The following LANCL3 variants were observed in gnomAD, a reference collection of about 807,000 sequenced individuals.
LANCL3 encodes the protein lanC-like protein 3.
In LANCL3, 19 loss-of-function variants were observed where a neutral mutation model predicts 26.5. That is an observed-to-expected ratio of 0.72 (90% CI 0.50 to 1.05). LANCL3 has a LOEUF of 1.05. LANCL3 is among the 50% of genes least tolerant of loss of function. LANCL3 has a pLI of 0.00. For synonymous variants in LANCL3, 160 were observed against 166.6 expected, an observed-to-expected ratio of 0.96 and a Z score of 0.30; for missense variants, 318 against 362.7, an observed-to-expected ratio of 0.88 and a Z score of 1.00.
At chrX:37,618,891 G>C (rs1925078902) in intron 1 of LANCL3, among the ~76,000 whole-genome samples, 1 of 111,600 alleles carries the variant, frequency 9.0e-6, no homozygotes, top group Non-Finnish European at 1.9e-5. Context: ...TGGCAATGAA[G>C]ATTTATCCCA....
intron 1 of LANCL3, among the ~76,000 whole-genome samples, chrX:37,646,833 A>C (rs1925996474): frequency 1.8e-5 from 2 of 110,563 alleles, no homozygotes; most frequent in Admixed American, 9.7e-5. Flanking sequence ...CTGTTGTAAG[A>C]CTCCTAAGGC....
rs781902977 is a variant in LANCL3, at chrX:37,625,131, G to T, written c.574-30557G>T. 9.0e-5 allele frequency among the ~76,000 whole-genome samples: 10 copies of T among 111,719 alleles called. No homozygotes were observed. In the South Asian group the frequency reaches 3.4e-3, roughly 38 times the overall value. On this transcript the variant is annotated intron_variant, in intron 1 of 4. Transcript: ENST00000378619. ...GCAGTACCATGTGGTGACACTCCTGGGTGGTTACAAATTGAAGCTCACCTG... is the reference window on the plus strand; with the variant it reads ...GCAGTACCATGTGGTGACACTCCTGTGTGGTTACAAATTGAAGCTCACCTG...
At position 37,644,720 on chromosome X, in the gene LANCL3, A is replaced by G. The variant is rs1460779498; in HGVS notation, c.574-10968A>G. 3.6e-5 allele frequency among the ~76,000 whole-genome samples: 4 copies of G among 112,382 alleles called. No individual in the cohort carries two copies. In the East Asian group the frequency reaches 1.1e-3, roughly 31 times the overall value. ...CCCTGTAGCCCTCCTCTTCTTCATT[A>G]TCATAATCATAGTATTATTACTTTG... is the stretch of plus-strand genomic sequence containing the variant. On this transcript the variant is annotated intron_variant, in intron 1 of 4. Transcript: ENST00000378619.
intron 4 of LANCL3, among the ~76,000 whole-genome samples, chrX:37,672,068 T>C (rs1926696794): frequency 8.9e-6 from 1 of 112,066 alleles, no homozygotes; most frequent in African/African-American, 3.2e-5. Flanking sequence ...TTAAAAGGGA[T>C]CAGAACAACC....
chrX:37,633,608 G>A (rs1466532037), intron 1 of LANCL3, among the ~76,000 whole-genome samples: 4 of 110,913 alleles, frequency 3.6e-5, no homozygotes, highest in Non-Finnish European at 7.6e-5. Flanking sequence ...TGGGTTTTTG[G>A]TGTGGATGTC....
chrX:37,594,510 T>G (rs1470338926), intron 1 of LANCL3, among the ~76,000 whole-genome samples: 3 of 112,054 alleles, frequency 2.7e-5, no homozygotes, highest in Non-Finnish European at 5.6e-5. Context: ...TAACAACAGA[T>G]ACAACCCAAG....
chrX:37,622,259 C>T (rs782693988), intron 1 of LANCL3, among the ~76,000 whole-genome samples: 3 of 111,349 alleles, frequency 2.7e-5, no homozygotes, highest in East Asian at 5.7e-4. Context: ...TACAACCCAC[C>T]GCCTATATAT....
chrX:37,620,429 AG>A (rs782542126), intron 1 of LANCL3, among the ~76,000 whole-genome samples: 28 of 112,164 alleles, frequency 2.5e-4, no homozygotes, highest in Non-Finnish European at 5.1e-4. Flanking sequence ...GCAGATATTC[AG>A]GCCTGTGATA....
chrX:37,582,906 A>C (rs1212097544), intron 1 of LANCL3, among the ~76,000 whole-genome samples: 1 of 111,880 alleles, frequency 8.9e-6, no homozygotes, highest in African/African-American at 3.3e-5. Flanking sequence ...CTATGTCCTG[A>C]ATGGTATTAC....
chrX:37,668,411 A>G, intron 4 of LANCL3: 1 of 408,761 alleles, frequency 2.4e-6, no homozygotes, highest in South Asian at 5.5e-5. Flanking sequence ...TCTGCTGTAT[A>G]CCAGACAACA....
intron 1 of LANCL3, among the ~76,000 whole-genome samples, chrX:37,644,042 C>T (rs937591250): frequency 2.7e-5 from 3 of 111,886 alleles, no homozygotes; most frequent in Admixed American, 9.5e-5. Flanking sequence ...AAGTTTGGAA[C>T]TCAGGTGTAT....
intron 1 of LANCL3, among the ~76,000 whole-genome samples, chrX:37,633,842 G>C (rs782240584): frequency 1.8e-5 from 2 of 111,794 alleles, no homozygotes; most frequent in Admixed American, 9.4e-5. Context: ...TGCCCCTGCT[G>C]GGGGGGTGCC....
rs1480166166 is a variant in LANCL3, at chrX:37,682,258, A to G, written c.*6445A>G. On this transcript the variant is annotated 3_prime_UTR_variant, in exon 5 of 5. Coordinates refer to ENST00000378619, the MANE Select transcript of LANCL3 (RefSeq NM_001170331.2). ...GCTGGGACTACAGGCGCCCGCCACTACGCCCGGCTAATTTTTTGTATTTTT... is the reference window on the plus strand; with the variant it reads ...GCTGGGACTACAGGCGCCCGCCACTGCGCCCGGCTAATTTTTTGTATTTTT... 1.9e-5 allele frequency: 2 copies of G among 107,220 alleles called. No homozygotes were observed. Among genetic ancestry groups the G allele is most frequent in the Non-Finnish European group, 3.9e-5 (2 of 51,720 alleles). The allele number at this position is 107,220 out of a possible 1,213,427, so 8.8% of individuals were successfully genotyped here. A position where few individuals can be genotyped will look rare whatever the true frequency, so the allele number is the denominator to read the frequency against.
rs1556438678 is a variant in LANCL3 at position 37,681,066 on chromosome X, TAAC to T, written c.*5255_*5257del. 2 of 112,418 alleles carry T rather than the reference TAAC, an allele frequency of 1.8e-5. No homozygotes were observed. The highest frequency in any genetic ancestry group is 6.5e-5 in the African/African-American group (2 of 30,962). The allele number at this position is 112,418 out of a possible 1,213,427, so 9.3% of individuals were successfully genotyped here. The stretch of plus-strand genomic sequence containing the variant: ...GCCATTAGTAACCATCTGTAGAAGA[TAAC>T]AGCCATGAGTTTCACAAATACAGCA... On this transcript the variant is annotated 3_prime_UTR_variant, in exon 5 of 5. Transcript: ENST00000378619.
intron 1 of LANCL3, among the ~76,000 whole-genome samples, chrX:37,615,470 G>T (rs186796399): frequency 1.8e-5 from 2 of 112,240 alleles, no homozygotes; most frequent in East Asian, 5.6e-4. Flanking sequence ...GCAGTTGGGT[G>T]TCAAGTGTGA....
rs183115721 is a variant in LANCL3, at chrX:37,678,547, A to T, written c.*2734A>T. ...TGGGGAGACTGCATTATGCTTTGAT[A>T]GCAAGACATTTTGGAAACCATTACA... On this transcript the variant is annotated 3_prime_UTR_variant, in exon 5 of 5. Coordinates refer to ENST00000378619, the MANE Select transcript of LANCL3 (RefSeq NM_001170331.2). 8.9e-6 allele frequency: 1 copy of T among 111,979 alleles called. No individual in the cohort carries two copies. Among genetic ancestry groups the T allele is most frequent in the East Asian group, 2.8e-4 (1 of 3,581 alleles). The allele number at this position is 111,979 out of a possible 1,213,427, so 9.2% of individuals were successfully genotyped here. A position where few individuals can be genotyped will look rare whatever the true frequency, so the allele number is the denominator to read the frequency against.
chrX:37,618,994 G>T (rs1602110476), intron 1 of LANCL3, among the ~76,000 whole-genome samples: 1 of 111,275 alleles, frequency 9.0e-6, no homozygotes, highest in East Asian at 2.8e-4. Flanking sequence ...TAGTGGCTAT[G>T]CTCCAGTTGT....
intron 1 of LANCL3, among the ~76,000 whole-genome samples, chrX:37,643,363 A>G: frequency 8.9e-6 from 1 of 112,279 alleles, no homozygotes; most frequent in East Asian, 2.8e-4. Context: ...TTACAGCCCA[A>G]ATCTATATAC....
intron 1 of LANCL3, among the ~76,000 whole-genome samples, chrX:37,643,320 G>A (rs1439590520): frequency 8.9e-6 from 1 of 112,119 alleles, no homozygotes; most frequent in Non-Finnish European, 1.9e-5. Context: ...AAATTAAACT[G>A]CTGAAACATA....
Sources: allele counts gnomAD v4.1 joint callset (sites outside exome capture counted in the v4.1 genomes callset), GRCh38; gene constraint gnomAD v4.1.1; transcripts MANE v1.5; gene names NCBI Gene and HGNC (gene_info 2026-07-23, HGNC 2026-07-21).